The following AK8 variants were observed in gnomAD, a reference collection of about 807,000 sequenced individuals.
The protein encoded by AK8 is ATP-AMP transphosphorylase 8.
A neutral mutation model predicts 54.6 loss-of-function variants in AK8; 44 were observed. The ratio of observed to expected loss-of-function variants is 0.81; its 90% CI spans 0.63 to 1.04. The LOEUF is 1.04. Ranked by LOEUF, AK8 falls within the 50% of genes least tolerant of loss-of-function variation. The pLI is 0.00. For missense variants in AK8, 555 were observed against 613.6 expected, an observed-to-expected ratio of 0.90 and a Z score of 1.01; for synonymous variants, 239 against 245.6, an observed-to-expected ratio of 0.97 and a Z score of 0.25.
chr9:132,744,859 G>A (rs888557209), intron 11 of AK8, among the ~76,000 whole-genome samples: 5 of 152,180 alleles, frequency 3.3e-5, no homozygotes, highest in Non-Finnish European at 7.3e-5. Flanking sequence ...AGAGAAAGGG[G>A]GGCCGTAAGA....
chr9:132,821,859 A>G lies in AK8; in HGVS notation c.889+1346T>C, dbSNP rs964799841. ...TGTGTATGTATATACAAATATATAC[A>G]TATATGTGTATGTATATACAAATAT... On this transcript the variant is annotated intron_variant, in intron 9 of 12. Transcript: ENST00000298545. Among the ~76,000 whole-genome samples the G allele has an allele frequency of 3.1e-3, 157 of 50,778 alleles. 1 individual carries two copies. Among genetic ancestry groups the G allele is most frequent in the African/African-American group, 0.012 (137 of 11,880 alleles). The allele number at this position is 50,778 out of a possible 152,430, so 33.3% of individuals were successfully genotyped here.
Position 132,863,763 on chromosome 9 carries a change from T to G in AK8, c.235A>C (p.Lys79Gln), listed in dbSNP as rs1183650301. Residue 79 changes from lysine (K) to glutamine (Q), a missense_variant, in exon 4 of 13, where the codon AAA becomes CAA. By Grantham distance (53) the Lys-to-Gln change is moderately conservative. Transcript: ENST00000298545. ...GKTTIAMWLC[K>Q]HLNSSLLTLE... ...GTGAGGAGACTGCTGTTCAGATGTT[T>G]GCAGAGCCACATTGCCTGAAGAAAG... The G allele has an allele frequency of 5.0e-6, 8 of 1,613,518 alleles. No homozygotes were observed. The highest frequency in any genetic ancestry group is 6.8e-6 in the Non-Finnish European group (8 of 1,179,662).
intron 11 of AK8, among the ~76,000 whole-genome samples, chr9:132,759,561 T>C (rs536688615): frequency 2.0e-5 from 3 of 152,384 alleles, no homozygotes; most frequent in South Asian, 4.1e-4. Flanking sequence ...TACAAGGTTT[T>C]ACAGTTTTGT....
chr9:132,773,046 C>G lies in AK8; in HGVS notation c.1121+19588G>C, dbSNP rs545165066. ...ATCTGTCATTTGCTCAAGCCCCACA[C>G]AGTGGCTCCCACATCACTCCAAGGA... On this transcript the variant is annotated intron_variant, in intron 11 of 12. Coordinates refer to ENST00000298545, the MANE Select transcript of AK8 (RefSeq NM_152572.3). 2.0e-5 allele frequency among the ~76,000 whole-genome samples: 3 copies of G among 152,310 alleles called. No individual in the cohort carries two copies. The East Asian group carries it at 5.8e-4, about 29-fold the overall frequency.
chr9:132,805,425 G>T (rs1248512932), intron 10 of AK8, among the ~76,000 whole-genome samples: 2 of 152,198 alleles, frequency 1.3e-5, no homozygotes, highest in Non-Finnish European at 2.9e-5. Flanking sequence ...CCCCCCTCCG[G>T]CAGCGCCCAT....
Position 132,848,115 on chromosome 9 carries a change from C to CAAA in AK8, c.402+6739_402+6741dup, listed in dbSNP as rs796764891. ...TGGGCAACAGAGCAACACCCTGTTTCAAAAAAAAAAAAAAAAAAAAAAAAA... is the reference window on the plus strand; with the variant it reads ...TGGGCAACAGAGCAACACCCTGTTTCAAAAAAAAAAAAAAAAAAAAAAAAAAAA... On this transcript the variant is annotated intron_variant, in intron 5 of 12. Coordinates refer to ENST00000298545, the MANE Select transcript of AK8 (RefSeq NM_152572.3). Among the ~76,000 whole-genome samples the CAAA allele has an allele frequency of 1.9e-4, 10 of 52,530 alleles. 1 individual carries two copies. Among genetic ancestry groups the CAAA allele is most frequent in the African/African-American group, 4.3e-4 (6 of 13,856 alleles). The allele number at this position is 52,530 out of a possible 152,430, so 34.5% of individuals were successfully genotyped here. A position where few individuals can be genotyped will look rare whatever the true frequency, so the allele number is the denominator to read the frequency against.
chr9:132,857,357 C>A (rs1386422862), intron 4 of AK8, among the ~76,000 whole-genome samples: 2 of 152,124 alleles, frequency 1.3e-5, no homozygotes, highest in Non-Finnish European at 2.9e-5. Context: ...CTGGCATAAG[C>A]CCACCTACAC....
At chr9:132,848,849 C>A (rs995178596) in intron 5 of AK8, among the ~76,000 whole-genome samples, 1 of 150,524 alleles carries the variant, frequency 6.6e-6, no homozygotes, top group African/African-American at 2.4e-5. Context: ...TGGGAGGGAA[C>A]TTAGTTAAAA....
rs1458187092 is a variant in AK8 at position 132,835,347 on chromosome 9, C to A, written c.403-6621G>T. On this transcript the variant is annotated intron_variant, in intron 5 of 12. Coordinates refer to ENST00000298545, the MANE Select transcript of AK8 (RefSeq NM_152572.3). ...AGGTTGGCCCCAAGATAGCCCCCTG[C>A]AGAGATAACTCACTTTGGAGGTTCA... Among the ~76,000 whole-genome samples the A allele has an allele frequency of 4.6e-5, 7 of 152,322 alleles. No homozygotes were observed. The South Asian group carries it at 1.2e-3, about 27-fold the overall frequency.
chr9:132,793,217 G>C (rs1840022194), intron 10 of AK8, among the ~76,000 whole-genome samples: 1 of 152,206 alleles, frequency 6.6e-6, no homozygotes, highest in African/African-American at 2.4e-5. Context: ...CCTGGTGGAA[G>C]GGGTGAGAAG....
chr9:132,828,089 G>C lies in AK8; in HGVS notation c.485-5C>G. ...TGTCTGGAGCACTCAGCACAACTGGGCAGAGAAGAAAAGGAGCAAAACCAG... is the reference window on the plus strand; with the variant it reads ...TGTCTGGAGCACTCAGCACAACTGGCCAGAGAAGAAAAGGAGCAAAACCAG... On this transcript the variant is annotated splice_polypyrimidine_tract_variant and splice_region_variant and intron_variant, in intron 6 of 12. Coordinates refer to ENST00000298545, the MANE Select transcript of AK8 (RefSeq NM_152572.3). The C allele has an allele frequency of 1.3e-6, 2 of 1,567,110 alleles. No homozygotes were observed.
In AK8 at chr9:132,727,307, C is replaced by T. The variant is rs1836621195; in HGVS notation, c.1202+147G>A. The T allele has an allele frequency of 1.1e-5, 8 of 749,590 alleles. No individual in the cohort carries two copies. The South Asian group carries it at 1.3e-4, about 12-fold the overall frequency. The allele number at this position is 749,590 out of a possible 1,614,324, so 46.4% of individuals were successfully genotyped here. A position where few individuals can be genotyped will look rare whatever the true frequency, so the allele number is the denominator to read the frequency against. Reference sequence around the variant, plus strand: ...GGTCAACAGATATTGCACAGAACAGCCAGTTGGATAAAGTCCATTTTGATA... The same window carrying T: ...GGTCAACAGATATTGCACAGAACAGTCAGTTGGATAAAGTCCATTTTGATA... On this transcript the variant is annotated intron_variant, in intron 12 of 12. Transcript: ENST00000298545.
intron 10 of AK8, among the ~76,000 whole-genome samples, chr9:132,806,153 T>C (rs2131221198): frequency 6.6e-6 from 1 of 151,280 alleles, no homozygotes; most frequent in Non-Finnish European, 1.5e-5. Context: ...AAATGTAGAG[T>C]TTTTTCAATA....
intron 1 of AK8, among the ~76,000 whole-genome samples, chr9:132,876,903 A>T (rs1844129633): frequency 2.0e-5 from 3 of 148,486 alleles, no homozygotes; most frequent in Non-Finnish European, 4.5e-5. Context: ...TACTAAAATT[A>T]AAAAAAAAAC....
At chr9:132,825,861 G>A (rs1841847141) in intron 8 of AK8, among the ~76,000 whole-genome samples, 1 of 152,362 alleles carries the variant, frequency 6.6e-6, no homozygotes, top group Middle Eastern at 3.4e-3. Context: ...TATCTGTGAT[G>A]TTCCCATCGT....
chr9:132,800,280 C>A (rs887759053), intron 10 of AK8, among the ~76,000 whole-genome samples: 3 of 152,206 alleles, frequency 2.0e-5, no homozygotes, highest in African/African-American at 7.2e-5. Flanking sequence ...CAGGACCTGG[C>A]GCCAGGTGTT....
chr9:132,838,992 G>C (rs1325610627), intron 5 of AK8, among the ~76,000 whole-genome samples: 1 of 152,042 alleles, frequency 6.6e-6, no homozygotes, highest in Admixed American at 6.6e-5. Context: ...CGCCCAGATG[G>C]AGAGTGCAGT....
chr9:132,854,747 G>T, intron 5 of AK8, 110 bp downstream of exon 5: 1 of 1,228,870 alleles, frequency 8.1e-7, no homozygotes, highest in Non-Finnish European at 1.2e-6. Flanking sequence ...CCGTTTGCCT[G>T]CCTTACCTTC....
chr9:132,745,273 G>A (rs1411174831), intron 11 of AK8, among the ~76,000 whole-genome samples: 3 of 152,190 alleles, frequency 2.0e-5, no homozygotes, highest in Non-Finnish European at 4.4e-5. Flanking sequence ...ATGGGATGAG[G>A]ACGTACAAAA....
Sources: gnomAD v4.1 joint callset for allele counts (sites outside exome capture counted in the v4.1 genomes callset) on GRCh38, gnomAD v4.1.1 for gene constraint, MANE v1.5 for transcripts, NCBI Gene and HGNC (gene_info 2026-07-23, HGNC 2026-07-21) for gene names.